The following SBF2 variants were observed in gnomAD, a reference collection of about 807,000 sequenced individuals.
SBF2 encodes SET binding factor 2, also known as myotubularin-related protein 13.
In SBF2, 112 loss-of-function variants were observed where a neutral mutation model predicts 225.2. The ratio of observed to expected loss-of-function variants is 0.50; its 90% CI spans 0.43 to 0.58. SBF2 has a LOEUF of 0.58. Among genes scored for constraint, SBF2 ranks in the 20% least tolerant of loss-of-function variants. The pLI is 0.00. For missense variants in SBF2, 1,996 were observed against 2,206.2 expected (o/e 0.90, Z 1.91); for synonymous variants, 763 against 773.3 (o/e 0.99, Z 0.22).
At chr11:9,893,803 G>C (rs563420578) in intron 17 of SBF2, among the ~76,000 whole-genome samples, 1 of 152,326 alleles carries the variant, frequency 6.6e-6, no homozygotes, top group East Asian at 1.9e-4. Flanking sequence ...GATCTGGGAA[G>C]GGGCTCTCTT....
intron 14 of SBF2, 60 bp downstream of exon 14, chr11:9,968,280 CT>C: frequency 6.8e-7 from 1 of 1,471,696 alleles, no homozygotes; most frequent in Non-Finnish European, 9.5e-7. Flanking sequence ...CACACTTTTC[CT>C]TTTTGGGTCT....
intron 17 of SBF2, among the ~76,000 whole-genome samples, chr11:9,895,705 T>A (rs1339278904): frequency 5.3e-5 from 8 of 152,118 alleles, no homozygotes; most frequent in Non-Finnish European, 1.2e-4. Flanking sequence ...TGAAGTACTA[T>A]AAAGAAAATT....
intron 16 of SBF2, among the ~76,000 whole-genome samples, chr11:9,915,128 C>T (rs1319567479): frequency 6.6e-6 from 1 of 152,060 alleles, no homozygotes; most frequent in Non-Finnish European, 1.5e-5. Context: ...AGAAATGTTT[C>T]ATTATGGAAG....
intron 2 of SBF2, among the ~76,000 whole-genome samples, chr11:10,055,524 T>TATACAC (rs1950223262): frequency 7.5e-6 from 1 of 133,746 alleles, no homozygotes; most frequent in Non-Finnish European, 1.6e-5. Context: ...AAGAAAATGA[T>TATACAC]ACACACACAC....
intron 2 of SBF2, among the ~76,000 whole-genome samples, chr11:10,132,878 C>CG (rs1238676789): frequency 6.7e-6 from 1 of 148,820 alleles, no homozygotes; most frequent in Non-Finnish European, 1.5e-5. Flanking sequence ...AGGTTCTCCA[C>CG]GTCCCCATCA....
chr11:10,131,163 T>G (rs72860566), intron 2 of SBF2, among the ~76,000 whole-genome samples: 8,179 of 152,222 alleles, frequency 0.054, 303 homozygotes, highest in Middle Eastern at 0.15. Context: ...TGTGAGAGAC[T>G]GTATTACCAT....
At chr11:10,225,834 A>C (rs1278410304) in intron 1 of SBF2, among the ~76,000 whole-genome samples, 1 of 152,168 alleles carries the variant, frequency 6.6e-6, no homozygotes, top group Admixed American at 6.6e-5. Context: ...GACAATGCCC[A>C]CAGCTGATGA....
At chr11:9,862,860 CTT>C (rs1323496258) in intron 17 of SBF2, among the ~76,000 whole-genome samples, 1 of 152,102 alleles carries the variant, frequency 6.6e-6, no homozygotes, top group Non-Finnish European at 1.5e-5. Flanking sequence ...GCATCATAAT[CTT>C]TTAATATTGC....
At chr11:10,275,813 C>T (rs1962914274) in intron 1 of SBF2, among the ~76,000 whole-genome samples, 1 of 151,920 alleles carries the variant, frequency 6.6e-6, no homozygotes, top group Admixed American at 6.6e-5. Context: ...ATCATACCTA[C>T]CAGTGAGAGT....
intron 13 of SBF2, among the ~76,000 whole-genome samples, chr11:9,981,343 C>T (rs950259989): frequency 6.6e-6 from 1 of 152,062 alleles, no homozygotes; most frequent in Non-Finnish European, 1.5e-5. Flanking sequence ...AAAGTGACTA[C>T]TGGGTACTCT....
In SBF2 at chr11:10,170,412, C is replaced by G. The variant is rs140906748; in HGVS notation, c.141+23490G>C. On this transcript the variant is annotated intron_variant, in intron 2 of 39. Transcript: ENST00000256190. The stretch of plus-strand genomic sequence containing the variant: ...TTTTCTCCAGTGTATGTTCTTGGCA[C>G]CTTTTTCAGAAATGAGTTCCCTGTA... 1.2e-4 allele frequency among the ~76,000 whole-genome samples: 19 copies of G among 152,084 alleles called. 1 individual carries two copies. Among genetic ancestry groups the G allele is most frequent in the African/African-American group, 4.1e-4 (17 of 41,520 alleles).
At chr11:10,088,504 T>C (rs750791542) in intron 2 of SBF2, among the ~76,000 whole-genome samples, 7 of 152,150 alleles carry the variant, frequency 4.6e-5, no homozygotes, top group Non-Finnish European at 8.8e-5. Context: ...GCAGGCTGGA[T>C]TGTTCAAGAT....
intron 1 of SBF2, among the ~76,000 whole-genome samples, chr11:10,238,739 T>A (rs1959169809): frequency 6.7e-6 from 1 of 150,230 alleles, no homozygotes; most frequent in Non-Finnish European, 1.5e-5. Context: ...ATGGTGAAAC[T>A]CTGTCTCTAC....
At chr11:10,168,117 A>C in intron 2 of SBF2, among the ~76,000 whole-genome samples, 1 of 152,354 alleles carries the variant, frequency 6.6e-6, no homozygotes, top group East Asian at 1.9e-4. Context: ...TACATAATTT[A>C]CTAACATTAT....
chr11:10,254,033 T>C (rs1960618949), intron 1 of SBF2, among the ~76,000 whole-genome samples: 2 of 152,184 alleles, frequency 1.3e-5, no homozygotes, highest in South Asian at 2.1e-4. Flanking sequence ...TTACACACTG[T>C]TGGAAGGAGT....
At chr11:9,867,196 G>T (rs761494128) in intron 17 of SBF2, among the ~76,000 whole-genome samples, 1 of 152,110 alleles carries the variant, frequency 6.6e-6, no homozygotes, top group Non-Finnish European at 1.5e-5. Flanking sequence ...TCCATAAAGT[G>T]ATTATTACAT....
chr11:9,817,062 A>C, intron 28 of SBF2, 38 bp from the exon 29 acceptor site: 3 of 1,607,620 alleles, frequency 1.9e-6, no homozygotes, highest in Non-Finnish European at 1.7e-6. Flanking sequence ...AGATAATCTA[A>C]TGTGGGAATG....
intron 2 of SBF2, among the ~76,000 whole-genome samples, chr11:10,176,519 A>G (rs957702329): frequency 4.4e-4 from 67 of 152,094 alleles, no homozygotes; most frequent in African/African-American, 1.6e-3. Flanking sequence ...ATCACCACCG[A>G]TCCCACAGAA....
Position 9,833,774 on chromosome 11 carries a change from C to CTT in SBF2, c.3456-1356_3456-1355dup, listed in dbSNP as rs35133643. Among the ~76,000 whole-genome samples the CTT allele has an allele frequency of 8.5e-3, 1,080 of 127,658 alleles. 22 individuals are homozygous for CTT. Among genetic ancestry groups the CTT allele is most frequent in the African/African-American group, 0.028 (950 of 33,726 alleles). 83.7% of individuals were successfully genotyped at this position (127,658 alleles called of 152,430 possible). A position where few individuals can be genotyped will look rare whatever the true frequency, so the allele number is the denominator to read the frequency against. Reference sequence around the variant, plus strand: ...CTAACATAAAATTTATCATGCTATCCTTTTTTTTTTTTTTTTGAGATGGAG... The same window carrying CTT: ...CTAACATAAAATTTATCATGCTATCCTTTTTTTTTTTTTTTTTTGAGATGGAG... On this transcript the variant is annotated intron_variant, in intron 26 of 39. Coordinates refer to ENST00000256190, the MANE Select transcript of SBF2 (RefSeq NM_030962.4).
Sources: allele counts gnomAD v4.1 joint callset (sites outside exome capture counted in the v4.1 genomes callset), GRCh38; gene constraint gnomAD v4.1.1; transcripts MANE v1.5; gene names NCBI Gene and HGNC (gene_info 2026-07-23, HGNC 2026-07-21).